Variants in OSBPL8 observed in about 807,000 individuals in gnomAD.
OSBPL8 encodes oxysterol-binding protein-related protein 8.
OSBPL8 carries 59 observed loss-of-function variants against 125.5 expected under a neutral mutation model. The observed-to-expected ratio is 0.47, with a 90% CI of 0.38 to 0.58. The LOEUF (loss-of-function observed/expected upper bound fraction) is 0.58, where lower values mean the gene tolerates loss of function less well. Ranked by LOEUF, OSBPL8 falls within the 20% of genes least tolerant of loss-of-function variation. OSBPL8 has a pLI of 0.00. For synonymous variants in OSBPL8, 330 were observed against 338.9 expected (o/e 0.97, Z 0.29); for missense variants, 758 against 1,047.8 (o/e 0.72, Z 3.82).
chr12:76,478,680 CA>C (rs565392224), intron 2 of OSBPL8, among the ~76,000 whole-genome samples: 177 of 152,064 alleles, frequency 1.2e-3, no homozygotes, highest in African/African-American at 4.0e-3. Flanking sequence ...CTTTAGTACT[CA>C]CACAATAGGT....
intron 4 of OSBPL8, among the ~76,000 whole-genome samples, chr12:76,450,152 T>C (rs1873212499): frequency 6.6e-6 from 1 of 152,188 alleles, no homozygotes; most frequent in Non-Finnish European, 1.5e-5. Flanking sequence ...CAAGGGATAC[T>C]TGGCAACATC....
At chr12:76,367,808 G>T (rs376213874) in intron 21 of OSBPL8, among the ~76,000 whole-genome samples, 2 of 152,024 alleles carry the variant, frequency 1.3e-5, no homozygotes, top group East Asian at 3.8e-4. Context: ...CTTAACTTCA[G>T]TAGTACATAA....
chr12:76,450,747 TA>T, intron 4 of OSBPL8, 103 bp downstream of exon 4: 1 of 1,237,434 alleles, frequency 8.1e-7, no homozygotes, highest in Non-Finnish European at 1.1e-6. Context: ...ACCAAATAGT[TA>T]AAAAGAAAAA....
chr12:76,443,836 T>C lies in OSBPL8; in HGVS notation c.217+7015A>G, dbSNP rs746044756. Among the ~76,000 whole-genome samples, 12 of 152,082 alleles carry C rather than the reference T, an allele frequency of 7.9e-5. 1 individual carries two copies. In the East Asian group the frequency reaches 9.6e-4, roughly 12 times the overall value. ...CATATCTGTCTTTCTTAATAAACAA[T>C]TGAAATATGTTCGGCTCAAATAAAT... On this transcript the variant is annotated intron_variant, in intron 4 of 23. Transcript: ENST00000261183.
chr12:76,426,775 GA>G (rs1870201503), intron 4 of OSBPL8, among the ~76,000 whole-genome samples: 1 of 152,028 alleles, frequency 6.6e-6, no homozygotes, highest in East Asian at 1.9e-4. Context: ...TGGATACATA[GA>G]AAACATTTCA....
chr12:76,487,091 G>A (rs1878226121), intron 2 of OSBPL8, among the ~76,000 whole-genome samples: 1 of 145,320 alleles, frequency 6.9e-6, no homozygotes, highest in Non-Finnish European at 1.5e-5. Flanking sequence ...GTGCAGAGGC[G>A]CTATCTTGGC....
chr12:76,449,870 G>A (rs887472246), intron 4 of OSBPL8, among the ~76,000 whole-genome samples: 2 of 152,020 alleles, frequency 1.3e-5, no homozygotes, highest in Admixed American at 6.6e-5. Flanking sequence ...TACTGACAGC[G>A]TTTCAGATTC....
At chr12:76,556,082 CCTTT>C (rs1400777131) in intron 1 of OSBPL8, among the ~76,000 whole-genome samples, 3 of 152,208 alleles carry the variant, frequency 2.0e-5, no homozygotes, top group African/African-American at 4.8e-5. Context: ...TAACATCCTT[CCTTT>C]ATCATTTCGC....
chr12:76,472,611 C>A (rs146629784), intron 2 of OSBPL8, among the ~76,000 whole-genome samples: 1 of 152,144 alleles, frequency 6.6e-6, no homozygotes, highest in Admixed American at 6.5e-5. Context: ...GGTAAGGTCA[C>A]GTGGGTCACG....
intron 21 of OSBPL8, among the ~76,000 whole-genome samples, chr12:76,362,722 G>A (rs950982747): frequency 6.6e-6 from 1 of 151,726 alleles, no homozygotes; most frequent in Non-Finnish European, 1.5e-5. Context: ...TATTCAAATA[G>A]GAGAAGAGGA....
chr12:76,429,991 G>A (rs764856605), intron 4 of OSBPL8, among the ~76,000 whole-genome samples: 2 of 152,000 alleles, frequency 1.3e-5, no homozygotes, highest in Admixed American at 6.6e-5. Context: ...TAGAAACCAT[G>A]CCCACTAGCA....
At chr12:76,399,180 A>G (rs891831190) in intron 7 of OSBPL8, among the ~76,000 whole-genome samples, 11 of 152,208 alleles carry the variant, frequency 7.2e-5, no homozygotes, top group Non-Finnish European at 1.6e-4. Context: ...GACAGATTTC[A>G]TAAGGATTAT....
chr12:76,552,222 A>G (rs923302063), intron 1 of OSBPL8, among the ~76,000 whole-genome samples: 1 of 151,870 alleles, frequency 6.6e-6, no homozygotes, highest in Non-Finnish European at 1.5e-5. Flanking sequence ...CTCAGCAGTT[A>G]GAGACCAGCC....
chr12:76,383,206 C>T (rs1057336658), intron 15 of OSBPL8, among the ~76,000 whole-genome samples: 4 of 152,012 alleles, frequency 2.6e-5, no homozygotes, highest in African/African-American at 9.7e-5. Context: ...GTGAGCTATG[C>T]ACCTCGTACT....
intron 1 of OSBPL8, among the ~76,000 whole-genome samples, chr12:76,510,406 A>G (rs576077319): frequency 1.4e-3 from 209 of 152,372 alleles, no homozygotes; most frequent in African/African-American, 3.9e-3. Flanking sequence ...GAATACTAAC[A>G]TAAGTTCAAT....
chr12:76,397,253 C>A (rs1248397341), intron 8 of OSBPL8, among the ~76,000 whole-genome samples: 6 of 147,208 alleles, frequency 4.1e-5, no homozygotes, highest in Non-Finnish European at 7.4e-5. Context: ...GGCTTTACAT[C>A]ACTACAGGAA....
intron 1 of OSBPL8, among the ~76,000 whole-genome samples, chr12:76,531,473 C>T (rs1043354902): frequency 6.6e-6 from 1 of 152,130 alleles, no homozygotes; most frequent in Non-Finnish European, 1.5e-5. Flanking sequence ...CTACAGGCAC[C>T]TTTTTGGCAA....
At chr12:76,379,423 T>C (rs74390975) in intron 15 of OSBPL8, among the ~76,000 whole-genome samples, 9,590 of 152,226 alleles carry the variant, frequency 0.063, 431 homozygotes, top group Non-Finnish European at 0.1. Flanking sequence ...CCATTTTAAG[T>C]GTGAAATTTG....
intron 1 of OSBPL8, among the ~76,000 whole-genome samples, chr12:76,535,074 CA>C (rs35521552): frequency 0.21 from 32,527 of 151,476 alleles, 3,713 homozygotes; most frequent in Non-Finnish European, 0.26. Flanking sequence ...AATTTGTAGA[CA>C]AAAAAATTCT....
Sources: gnomAD v4.1 joint callset for allele counts (sites outside exome capture counted in the v4.1 genomes callset) on GRCh38, gnomAD v4.1.1 for gene constraint, MANE v1.5 for transcripts, NCBI Gene and HGNC (gene_info 2026-07-23, HGNC 2026-07-21) for gene names.